L3MBTL3: variants seen among roughly 807,000 people sequenced by gnomAD.
The protein encoded by L3MBTL3 is lethal(3)malignant brain tumor-like protein 3.
A neutral mutation model predicts 102.3 loss-of-function variants in L3MBTL3; 27 were observed. The observed-to-expected ratio is 0.26, with a 90% CI of 0.19 to 0.36. The LOEUF (loss-of-function observed/expected upper bound fraction) is 0.36, where lower values mean the gene tolerates loss of function less well. Ranked by LOEUF, L3MBTL3 falls within the 10% of genes least tolerant of loss-of-function variation. L3MBTL3 has a pLI of 1.00. For missense variants in L3MBTL3, 798 were observed against 955.3 expected (o/e 0.84, Z 2.17); for synonymous variants, 340 against 320.9 (o/e 1.06, Z -0.64).
At position 130,062,329 on chromosome 6, in the gene L3MBTL3, A is replaced by G. The variant is rs979721010; in HGVS notation, c.864+2189A>G. 2.0e-5 allele frequency among the ~76,000 whole-genome samples: 3 copies of G among 152,006 alleles called. No individual in the cohort carries two copies. In the South Asian group the frequency reaches 6.2e-4, roughly 32 times the overall value. ...TTCCAGATGTTTTCTCTGTGTATAAAAATATGTACTGCATTTTGTTTTTGA... is the reference window on the plus strand; with the variant it reads ...TTCCAGATGTTTTCTCTGTGTATAAGAATATGTACTGCATTTTGTTTTTGA... On this transcript the variant is annotated intron_variant, in intron 10 of 22. Coordinates refer to ENST00000361794, the MANE Select transcript of L3MBTL3 (RefSeq NM_032438.4).
intron 2 of L3MBTL3, among the ~76,000 whole-genome samples, chr6:130,022,871 T>G (rs1388365491): frequency 6.6e-6 from 1 of 152,226 alleles, no homozygotes. Context: ...TTGAACATAC[T>G]TCCACAGGGA....
intron 18 of L3MBTL3, among the ~76,000 whole-genome samples, chr6:130,101,267 A>AT (rs1365664926): frequency 2.1e-4 from 32 of 152,098 alleles, no homozygotes; most frequent in Non-Finnish European, 4.1e-4. Context: ...GGGAGAGTGA[A>AT]TTTTTAATCA....
At chr6:130,107,687 A>G (rs1438017899) in intron 19 of L3MBTL3, among the ~76,000 whole-genome samples, 2 of 152,174 alleles carry the variant, frequency 1.3e-5, no homozygotes, top group African/African-American at 4.8e-5. Context: ...TTCCTGAGCA[A>G]ATGCTGTCAG....
At chr6:130,020,020 C>T (rs1183864666) in intron 1 of L3MBTL3, among the ~76,000 whole-genome samples, 1 of 47,256 alleles carries the variant, frequency 2.1e-5, no homozygotes, top group African/African-American at 8.3e-5. Flanking sequence ...GCCGGGGCGG[C>T]GGGCTTGTGG....
chr6:130,079,174 C>T (rs756722188), intron 14 of L3MBTL3, among the ~76,000 whole-genome samples: 22 of 152,136 alleles, frequency 1.4e-4, no homozygotes, highest in African/African-American at 3.6e-4. Flanking sequence ...ACAGTGTTCA[C>T]GTTTAAGTGA....
rs1473423841 is a variant in L3MBTL3 at position 130,020,228 on chromosome 6, G to C, written c.-95+1564G>C. ...GCCCCGCGGGCCGTCCTCGCGCCGCGGCGGCGGGGCGGGGGGAAGTAGAGG... is the reference window on the plus strand; with the variant it reads ...GCCCCGCGGGCCGTCCTCGCGCCGCCGCGGCGGGGCGGGGGGAAGTAGAGG... On this transcript the variant is annotated intron_variant, in intron 1 of 22. Transcript: ENST00000361794. Among the ~76,000 whole-genome samples, 101 of 151,388 alleles carry C rather than the reference G, an allele frequency of 6.7e-4. 2 individuals are homozygous for C. Among genetic ancestry groups the C allele is most frequent in the Admixed American group, 6.5e-3 (99 of 15,254 alleles).
intron 12 of L3MBTL3, among the ~76,000 whole-genome samples, chr6:130,070,102 GTTT>G (rs1005926113): frequency 6.7e-6 from 1 of 149,504 alleles, no homozygotes; most frequent in Non-Finnish European, 1.5e-5. Context: ...GTTTTTGTTT[GTTT>G]TTTGTTTTTT....
At chr6:130,125,450 T>C (rs1001224423) in intron 20 of L3MBTL3, among the ~76,000 whole-genome samples, 17 of 152,240 alleles carry the variant, frequency 1.1e-4, no homozygotes, top group African/African-American at 4.1e-4. Context: ...CTTCTTCTGA[T>C]GTTTTCTAGA....
chr6:130,051,517 C>G, intron 6 of L3MBTL3, 109 bp downstream of exon 6: 1 of 1,000,358 alleles, frequency 1.0e-6, no homozygotes, highest in Non-Finnish European at 1.5e-6. Context: ...CTATTGATAC[C>G]TTTTTCCCAG....
chr6:130,091,037 G>T (rs1250072017), intron 16 of L3MBTL3, among the ~76,000 whole-genome samples: 1 of 149,612 alleles, frequency 6.7e-6, no homozygotes, highest in East Asian at 1.9e-4. Flanking sequence ...GAGAGTTCTT[G>T]ACACAGGTGT....
chr6:130,066,235 T>C (rs1313609852), intron 10 of L3MBTL3, 118 bp from the exon 11 acceptor site: 1 of 319,226 alleles, frequency 3.1e-6, no homozygotes, highest in Non-Finnish European at 5.4e-6. Context: ...ATGTGGGTGG[T>C]TTGATTAACA....
Position 130,133,733 on chromosome 6 carries a change from AATT to A in L3MBTL3, c.2137-106_2137-104del. On this transcript the variant is annotated intron_variant, in intron 21 of 22. Coordinates refer to ENST00000361794, the MANE Select transcript of L3MBTL3 (RefSeq NM_032438.4). This position sits in a 1 kb window ranked among gnomAD's most constrained non-coding sequence, Gnocchi z 4.9. ...GTCTTTTTTTTTCTGAAAGAGAAGA[AATT>A]ATTGTGAGAGAAATAACTAATGCAT... 1 of 1,481,830 alleles carries A rather than the reference AATT, an allele frequency of 6.7e-7. No individual in the cohort carries two copies. Among genetic ancestry groups the A allele is most frequent in the Non-Finnish European group, 9.3e-7 (1 of 1,076,154 alleles). 91.8% of individuals were successfully genotyped at this position (1,481,830 alleles called of 1,614,324 possible). A position where few individuals can be genotyped will look rare whatever the true frequency, so the allele number is the denominator to read the frequency against.
chr6:130,099,906 A>G (rs1784580749), intron 18 of L3MBTL3, among the ~76,000 whole-genome samples: 1 of 152,248 alleles, frequency 6.6e-6, no homozygotes, highest in Non-Finnish European at 1.5e-5. Flanking sequence ...TCCTAAGCAC[A>G]CAATCCATGT....
At chr6:130,056,395 C>CTA (rs1347538701) in intron 8 of L3MBTL3, among the ~76,000 whole-genome samples, 2 of 152,188 alleles carry the variant, frequency 1.3e-5, no homozygotes, top group Non-Finnish European at 2.9e-5. Flanking sequence ...CCACAAGGCT[C>CTA]TATCCCCTTG....
At chr6:130,107,317 A>G (rs1049844713) in intron 19 of L3MBTL3, among the ~76,000 whole-genome samples, 1 of 152,210 alleles carries the variant, frequency 6.6e-6, no homozygotes, top group African/African-American at 2.4e-5. Flanking sequence ...ATTTATTTAG[A>G]GTTTTATATT....
At chr6:130,118,887 A>G (rs2115475788) in intron 19 of L3MBTL3, among the ~76,000 whole-genome samples, 1 of 152,288 alleles carries the variant, frequency 6.6e-6, no homozygotes, top group Non-Finnish European at 1.5e-5. Flanking sequence ...TTCTTATTCT[A>G]TCTCTGTTCC....
At chr6:130,032,873 G>C (rs1779815611) in intron 2 of L3MBTL3, among the ~76,000 whole-genome samples, 1 of 152,172 alleles carries the variant, frequency 6.6e-6, no homozygotes, top group African/African-American at 2.4e-5. Context: ...TGCACCTGTA[G>C]TGCTGGCTCC....
At chr6:130,113,347 C>G (rs1469231430) in intron 19 of L3MBTL3, among the ~76,000 whole-genome samples, 1 of 152,050 alleles carries the variant, frequency 6.6e-6, no homozygotes, top group African/African-American at 2.4e-5. Flanking sequence ...ATGAAAACAC[C>G]CTTTTCAGGG....
chr6:130,108,378 G>A (rs1785133378), intron 19 of L3MBTL3, among the ~76,000 whole-genome samples: 1 of 151,844 alleles, frequency 6.6e-6, no homozygotes. Flanking sequence ...GGGATTACAG[G>A]CGTGTGCCAC....
Sources: allele counts gnomAD v4.1 joint callset (sites outside exome capture counted in the v4.1 genomes callset), GRCh38; gene constraint gnomAD v4.1.1; non-coding constraint Gnocchi (gnomAD v3.1); transcripts MANE v1.5; gene names NCBI Gene and HGNC (gene_info 2026-07-23, HGNC 2026-07-21).